DCDC1: variants seen among roughly 807,000 people sequenced by gnomAD.
DCDC1 encodes the protein doublecortin domain-containing protein 1.
A neutral mutation model predicts 178.3 loss-of-function variants in DCDC1; 200 were observed. The observed-to-expected ratio is 1.12, with a 90% confidence interval of 1.00 to 1.26. DCDC1 has a LOEUF of 1.26. Ranked by LOEUF, DCDC1 falls within the 50% of genes most tolerant of loss-of-function variation. The pLI is 0.00. For missense variants in DCDC1, 1,983 were observed against 1,749.2 expected (o/e 1.13, Z -2.38); for synonymous variants, 690 against 604.8 (o/e 1.14, Z -2.07).
chr11:31,285,709 G>T (rs561018023), intron 7 of DCDC1, among the ~76,000 whole-genome samples: 1 of 151,970 alleles, frequency 6.6e-6, no homozygotes, highest in South Asian at 2.1e-4. Context: ...AAAGTCTATT[G>T]CTTTTTTATA....
intron 10 of DCDC1, among the ~76,000 whole-genome samples, chr11:31,133,581 A>G (rs1277936115): frequency 1.3e-5 from 2 of 152,260 alleles, no homozygotes; most frequent in Non-Finnish European, 2.9e-5. Context: ...GCCTGAGAGC[A>G]AAGTGAACTA....
chr11:30,969,513 G>T (rs977235374), intron 20 of DCDC1, among the ~76,000 whole-genome samples: 2 of 152,148 alleles, frequency 1.3e-5, no homozygotes, highest in African/African-American at 4.8e-5. Context: ...CTGGCATCTA[G>T]AATTATGAAG....
chr11:31,069,045 G>T (rs973671047), intron 18 of DCDC1, among the ~76,000 whole-genome samples: 4 of 152,024 alleles, frequency 2.6e-5, no homozygotes, highest in Admixed American at 2.0e-4. Flanking sequence ...TAGAGACAGG[G>T]TTTCACCGTG....
intron 4 of DCDC1, 165 bp downstream of exon 4, chr11:31,307,474 C>T: frequency 1.2e-6 from 1 of 825,984 alleles, no homozygotes; most frequent in Non-Finnish European, 1.8e-6. Flanking sequence ...TAATTAACAA[C>T]ATTCTACTCT....
chr11:31,294,632 GGGAAGGGGAGGGGAGGGAGGGGGGGA>G (rs1947483571), intron 6 of DCDC1, among the ~76,000 whole-genome samples: 1 of 4,140 alleles, frequency 2.4e-4, no homozygotes, highest in Non-Finnish European at 5.6e-4. Flanking sequence ...AGGGGAGGGA[GGGAAGGGGAGGGGAGGGAGGGGGGGA>G]AGGGACAGGG....
intron 20 of DCDC1, among the ~76,000 whole-genome samples, chr11:31,009,644 T>A (rs1409261624): frequency 6.6e-6 from 1 of 152,074 alleles, no homozygotes; most frequent in South Asian, 2.1e-4. Context: ...ACTCAACCAG[T>A]CAGGCAGGGT....
At chr11:31,196,917 T>C (rs1274868454) in intron 9 of DCDC1, among the ~76,000 whole-genome samples, 2 of 152,048 alleles carry the variant, frequency 1.3e-5, no homozygotes, top group Admixed American at 6.6e-5. Flanking sequence ...CTCATTAGCA[T>C]ACAAAAAATA....
chr11:30,917,237 TCA>T (rs1945909287), intron 25 of DCDC1, among the ~76,000 whole-genome samples: 1 of 152,118 alleles, frequency 6.6e-6, no homozygotes, highest in Non-Finnish European at 1.5e-5. Flanking sequence ...AATTCCTCAA[TCA>T]CATAATAAAC....
chr11:31,160,459 G>A (rs1285204845), intron 9 of DCDC1, among the ~76,000 whole-genome samples: 2 of 152,076 alleles, frequency 1.3e-5, no homozygotes, highest in Non-Finnish European at 2.9e-5. Context: ...GAGTTCTTTG[G>A]AGGATTATAG....
intron 8 of DCDC1, among the ~76,000 whole-genome samples, chr11:31,263,936 G>C (rs190588906): frequency 2.0e-4 from 31 of 152,278 alleles, no homozygotes; most frequent in Admixed American, 3.9e-4. Context: ...TTTCTTTTCA[G>C]AGGCTAGCAA....
chr11:31,137,159 A>T (rs1451813547), intron 10 of DCDC1, among the ~76,000 whole-genome samples: 1 of 152,050 alleles, frequency 6.6e-6, no homozygotes, highest in Non-Finnish European at 1.5e-5. Flanking sequence ...TATTCATGAG[A>T]CTTTTTTCAG....
chr11:31,204,201 AT>A (rs1489327924), intron 9 of DCDC1, among the ~76,000 whole-genome samples: 1 of 152,212 alleles, frequency 6.6e-6, no homozygotes, highest in African/African-American at 2.4e-5. Flanking sequence ...CATATGCCAA[AT>A]TTGGTGGATG....
intron 9 of DCDC1, among the ~76,000 whole-genome samples, chr11:31,207,404 T>C (rs184157084): frequency 1.6e-3 from 238 of 152,356 alleles, no homozygotes; most frequent in African/African-American, 5.3e-3. Context: ...GAATTCTTTC[T>C]TCCCAACTGG....
Position 30,915,674 on chromosome 11 carries a change from G to A in DCDC1, c.3490C>T (p.His1164Tyr). ...CCATCTCTGTATTCGAACTGCTGATGACAATGCTTGTGCAATTTACTATGC... is the reference window on the plus strand; with the variant it reads ...CCATCTCTGTATTCGAACTGCTGATAACAATGCTTGTGCAATTTACTATGC... The part of the protein sequence containing the change: ...PKHSKLHKHC[H>Y]QQFEYRDGQI... Residue 1164 changes from histidine (H) to tyrosine (Y), a missense_variant, in exon 27 of 39, where the codon CAT (histidine) becomes TAT (tyrosine). By Grantham distance (83) the His-to-Tyr change is moderately conservative (BLOSUM62 2). Transcript: ENST00000684477. The A allele has an allele frequency of 6.2e-7, 1 of 1,613,848 alleles. No homozygotes were observed. The highest frequency in any genetic ancestry group is 1.1e-5 in the South Asian group (1 of 91,060).
At chr11:31,338,984 G>A (rs1309884867) in intron 1 of DCDC1, among the ~76,000 whole-genome samples, 1 of 152,026 alleles carries the variant, frequency 6.6e-6, no homozygotes, top group African/African-American at 2.4e-5. Flanking sequence ...CATCCTCAAT[G>A]TAAACTTTTC....
intron 20 of DCDC1, among the ~76,000 whole-genome samples, chr11:31,026,352 C>T (rs1953232381): frequency 6.6e-6 from 1 of 151,750 alleles, no homozygotes; most frequent in Admixed American, 6.6e-5. Context: ...CACTGTGGAT[C>T]AATTTGAGTC....
rs1179586765 is a variant in DCDC1, at chr11:31,222,935, T to C, written c.1221+18515A>G. Among the ~76,000 whole-genome samples, 5 of 152,314 alleles carry C rather than the reference T, an allele frequency of 3.3e-5. No individual in the cohort carries two copies. The East Asian group carries it at 7.7e-4, about 23-fold the overall frequency. ...TATTTGGCCCATTGCAAAGAGATTT[T>C]TGTTAATTAACAGATATATTTATAA... is the stretch of plus-strand genomic sequence containing the variant. On this transcript the variant is annotated intron_variant, in intron 9 of 38. Transcript: ENST00000684477.
At chr11:31,276,177 T>C (rs1292305394) in intron 7 of DCDC1, among the ~76,000 whole-genome samples, 1 of 152,220 alleles carries the variant, frequency 6.6e-6, no homozygotes, top group East Asian at 1.9e-4. Flanking sequence ...TTTGGTCCCA[T>C]GTTCCTCAAA....
At chr11:30,996,722 T>A (rs1051484435) in intron 20 of DCDC1, among the ~76,000 whole-genome samples, 3 of 152,182 alleles carry the variant, frequency 2.0e-5, no homozygotes, top group Non-Finnish European at 2.9e-5. Context: ...TGGACTTCCC[T>A]GCCTCTGAAG....
Sources: gnomAD v4.1 joint callset for allele counts (sites outside exome capture counted in the v4.1 genomes callset) on GRCh38, gnomAD v4.1.1 for gene constraint, MANE v1.5 for transcripts, NCBI Gene and HGNC (gene_info 2026-07-23, HGNC 2026-07-21) for gene names.